The following BRD4 variants were observed in gnomAD, a reference collection of about 807,000 sequenced individuals.
The protein encoded by BRD4 is bromodomain-containing protein 4.
In BRD4, 16 loss-of-function variants were observed where a neutral mutation model predicts 142.1. The observed-to-expected ratio is 0.11, with a 90% confidence interval of 0.08 to 0.17. The LOEUF (loss-of-function observed/expected upper bound fraction) is 0.17, where lower values mean the gene tolerates loss of function less well. Among genes scored for constraint, BRD4 ranks in the 10% least tolerant of loss-of-function variants. BRD4 has a pLI of 1.00. For missense variants in BRD4, 1,424 were observed against 1,810.9 expected (o/e 0.79, Z 3.88); for synonymous variants, 833 against 707.5 (o/e 1.18, Z -2.82).
intron 3 of BRD4, 88 bp from the exon 4 acceptor site, chr19:15,267,639 C>T: frequency 2.7e-6 from 4 of 1,473,160 alleles, no homozygotes; most frequent in South Asian, 1.3e-5. Context: ...CACCCCCTGC[C>T]CCCAAAACAT....
rs1170826348 is a variant in BRD4 at position 15,243,279 on chromosome 19, C to T, written c.2790G>A (p.Leu930=). The change falls in exon 14 of 20, where the codon CTG becomes CTA. Residue 930 remains leucine (L), a synonymous_variant. Transcript: ENST00000679869. ...GCACCTTCTGCAGCTGCTGCAGGTA[C>T]AGCTGCATCTGCATGGAGGTGAGGG... is the stretch of plus-strand genomic sequence containing the variant. ...APPLTSMQMQ[L]YLQQLQKVQP... 4.7e-6 allele frequency: 7 copies of T among 1,478,156 alleles called. No homozygotes were observed. The highest frequency in any genetic ancestry group is 6.3e-6 in the Non-Finnish European group (7 of 1,112,926). The allele number at this position is 1,478,156 out of a possible 1,614,324, so 91.6% of individuals were successfully genotyped here. A position where few individuals can be genotyped will look rare whatever the true frequency, so the allele number is the denominator to read the frequency against.
chr19:15,273,181 G>A (rs202134771), intron 1 of BRD4, 48 bp from the exon 2 acceptor site: 18 of 1,487,242 alleles, frequency 1.2e-5, no homozygotes, highest in Admixed American at 2.2e-5. Context: ...CAGCAGATGG[G>A]CACCGCTCAG....
chr19:15,257,210 T>A (rs1343793458), intron 7 of BRD4, 37 bp from the exon 8 acceptor site: 3 of 1,559,136 alleles, frequency 1.9e-6, no homozygotes, highest in African/African-American at 2.7e-5. Context: ...GGCTGCTGGG[T>A]ACCCAGGCCG....
At chr19:15,319,832 A>G (rs1304453976) in intron 1 of BRD4, among the ~76,000 whole-genome samples, 2 of 151,264 alleles carry the variant, frequency 1.3e-5, no homozygotes, top group Non-Finnish European at 1.5e-5. Flanking sequence ...TTACTTAGGA[A>G]GCTGAGGTGG....
Position 15,239,261 on chromosome 19 carries a change from G to C in BRD4, c.3580C>G (p.Leu1194Val). The C allele has an allele frequency of 6.2e-7, 1 of 1,613,288 alleles. No individual in the cohort carries two copies. Among genetic ancestry groups the C allele is most frequent in the Non-Finnish European group, 8.5e-7 (1 of 1,179,664 alleles). ...PKTPVAPKKD[L>V]KIKNMGSWAS... is the part of the protein sequence containing the mutation. ...CAGGAGCCCATGTTCTTGATTTTCAGGTCCTGCAGAACAGAGAGGTTGGGG... is the reference window on the plus strand; with the variant it reads ...CAGGAGCCCATGTTCTTGATTTTCACGTCCTGCAGAACAGAGAGGTTGGGG... The change falls in exon 18 of 20, where the codon CTG (leucine) becomes GTG (valine). Residue 1194 changes from leucine to valine, a missense_variant. Around this residue, in one of 16 missense-constraint regions of BRD4, gnomAD observed 49 missense variants for 97.3 expected, o/e 0.50. Coordinates refer to ENST00000679869, the MANE Select transcript of BRD4 (RefSeq NM_001379291.1). This position sits in a 1 kb window ranked among gnomAD's most constrained non-coding sequence, Gnocchi z 7.4.
chr19:15,253,982 C>T (rs1164114690), intron 11 of BRD4, 170 bp downstream of exon 11: 4 of 699,546 alleles, frequency 5.7e-6, no homozygotes, highest in Non-Finnish European at 9.7e-6. Flanking sequence ...GAGTGCAGGG[C>T]TATTCATGGC....
intron 2 of BRD4, among the ~76,000 whole-genome samples, chr19:15,272,197 C>A (rs562167588): frequency 6.6e-6 from 1 of 152,070 alleles, no homozygotes; most frequent in East Asian, 1.9e-4. Flanking sequence ...AGAAGAGGGG[C>A]GGGCTCACAA....
Position 15,265,479 on chromosome 19 carries a change from C to A in BRD4, c.724G>T (p.Val242Leu), listed in dbSNP as rs374092522. ...GGCGTCTGCAGTGGCTGGGGAGGCA[C>A]CACTGTCATGACAGGGGTCTGGACG... ...LIVQTPVMTVVPPQPLQTPPP... is the reference protein window; with the variant it reads ...LIVQTPVMTVLPPQPLQTPPP... The change falls in exon 5 of 20, where the codon GTG becomes TTG. Residue 242 changes from valine to leucine, a missense_variant. Val to Leu is a conservative substitution (Grantham distance 32, BLOSUM62 1). Transcript: ENST00000679869. 3 of 1,606,648 alleles carry A rather than the reference C, an allele frequency of 1.9e-6. No individual in the cohort carries two copies. The highest frequency in any genetic ancestry group is 3.4e-5 in the Admixed American group (2 of 59,524).
Position 15,237,649 on chromosome 19 carries a change from A to T in BRD4, c.*728T>A, listed in dbSNP as rs1472910785. On this transcript the variant is annotated 3_prime_UTR_variant, in exon 20 of 20. Coordinates refer to ENST00000679869, the MANE Select transcript of BRD4 (RefSeq NM_001379291.1). ...AAAAAAAGAAAAAAAAAAACGAAAC[A>T]GAAACACAGGTGGGAAGGAACTGAC... The T allele has an allele frequency of 8.6e-6, 2 of 231,752 alleles. No homozygotes were observed. The highest frequency in any genetic ancestry group is 1.7e-5 in the Non-Finnish European group (2 of 117,410). The allele number at this position is 231,752 out of a possible 1,614,324, so 14.4% of individuals were successfully genotyped here.
intron 13 of BRD4, 111 bp downstream of exon 13, chr19:15,244,120 G>A: frequency 6.6e-7 from 1 of 1,526,392 alleles, no homozygotes; most frequent in Non-Finnish European, 8.8e-7. Context: ...TCCCTCTAGA[G>A]ACCAGAGCAG....
intron 1 of BRD4, among the ~76,000 whole-genome samples, chr19:15,274,043 G>A (rs1396051423): frequency 2.0e-5 from 3 of 152,150 alleles, no homozygotes; most frequent in Admixed American, 2.0e-4. Context: ...GCTCCAAACG[G>A]AGAATTTGCT....
At chr19:15,307,640 G>A (rs2047925471) in intron 1 of BRD4, among the ~76,000 whole-genome samples, 1 of 152,148 alleles carries the variant, frequency 6.6e-6, no homozygotes, top group African/African-American at 2.4e-5. Flanking sequence ...AAAAGCCTGG[G>A]CGCGGAAGTG....
At position 15,237,246 on chromosome 19, in the gene BRD4, G is replaced by GGGT. The variant is rs1491318669; in HGVS notation, c.*1130_*1131insACC. 1 of 18,596 alleles carries GGGT rather than the reference G, an allele frequency of 5.4e-5. No individual in the cohort carries two copies. Among genetic ancestry groups the GGGT allele is most frequent in the African/African-American group, 1.9e-4 (1 of 5,358 alleles). 1.2% of individuals were successfully genotyped at this position (18,596 alleles called of 1,614,324 possible). On this transcript the variant is annotated 3_prime_UTR_variant, in exon 20 of 20. Coordinates refer to ENST00000679869, the MANE Select transcript of BRD4 (RefSeq NM_001379291.1). ...AAAACAAAAAAGCCAACAAATGGGT[G>GGGT]GGGGGGGGGGGGGTGGAGGGGAAAG...
chr19:15,304,772 T>C (rs1206816540), intron 1 of BRD4, among the ~76,000 whole-genome samples: 1 of 152,106 alleles, frequency 6.6e-6, no homozygotes, highest in East Asian at 1.9e-4. Context: ...GGGCAGGGAT[T>C]AGGGTCTCAG....
chr19:15,260,120 G>A (rs1007405588), intron 7 of BRD4, among the ~76,000 whole-genome samples: 2 of 152,240 alleles, frequency 1.3e-5, no homozygotes, highest in African/African-American at 4.8e-5. Context: ...GTCTGGGTCT[G>A]AGGTCATGCT....
intron 1 of BRD4, among the ~76,000 whole-genome samples, chr19:15,322,554 C>CAAA (rs35831959): frequency 8.0e-6 from 1 of 124,354 alleles, no homozygotes; most frequent in African/African-American, 3.2e-5. Context: ...CTAAAACATA[C>CAAA]AAAAAAAAAA....
At chr19:15,289,670 AAAAAAAG>A (rs2047766587) in intron 1 of BRD4, among the ~76,000 whole-genome samples, 1 of 150,374 alleles carries the variant, frequency 6.7e-6, no homozygotes, top group South Asian at 2.2e-4. Flanking sequence ...TGATCCAAAA[AAAAAAAG>A]AAAAAAAAAA....
intron 1 of BRD4, among the ~76,000 whole-genome samples, chr19:15,274,383 G>A (rs773542376): frequency 2.0e-5 from 3 of 152,182 alleles, no homozygotes; most frequent in Admixed American, 6.5e-5. Flanking sequence ...TCAAGGGGAG[G>A]GGAGGCCTAA....
At chr19:15,331,831 C>T (rs989283033) in intron 1 of BRD4, 1 of 148,030 alleles carries the variant, frequency 6.8e-6, no homozygotes, top group Non-Finnish European at 1.5e-5. Flanking sequence ...CAGGCCGGGA[C>T]TTACCCGGGC....
Sources: gnomAD v4.1 joint callset for allele counts (sites outside exome capture counted in the v4.1 genomes callset) on GRCh38, gnomAD v4.1.1 for gene constraint, gnomAD v4.1.1 regional missense constraint, Gnocchi (gnomAD v3.1) non-coding constraint, MANE v1.5 for transcripts, NCBI Gene and HGNC (gene_info 2026-07-23, HGNC 2026-07-21) for gene names.